Variants in NFATC3 observed in about 807,000 individuals in gnomAD.
NFATC3 encodes the protein nuclear factor of activated T cells 3, also known as nuclear factor of activated T-cells, cytoplasmic 3.
NFATC3 carries 46 observed loss-of-function variants against 98.6 expected under a neutral mutation model. The ratio of observed to expected loss-of-function variants is 0.47; its 90% CI spans 0.37 to 0.60. NFATC3 has a LOEUF of 0.60. Ranked by LOEUF, NFATC3 falls within the 20% of genes least tolerant of loss-of-function variation. The probability of loss-of-function intolerance (pLI) is 0.00; values close to 1 mark genes in which losing one functional copy is unlikely to be tolerated. For synonymous variants in NFATC3, 512 were observed against 472.2 expected (o/e 1.08, Z -1.09); for missense variants, 1,256 against 1,295.5 (o/e 0.97, Z 0.47).
At chr16:68,164,803 C>T (rs556123557) in intron 4 of NFATC3, among the ~76,000 whole-genome samples, 117 of 152,114 alleles carry the variant, frequency 7.7e-4, no homozygotes, top group Non-Finnish European at 1.5e-3. Context: ...TCCCTTGAAC[C>T]CGGGAGGCAG....
intron 1 of NFATC3, among the ~76,000 whole-genome samples, chr16:68,095,511 G>A (rs2034975025): frequency 6.6e-6 from 1 of 151,812 alleles, no homozygotes; most frequent in South Asian, 2.1e-4. Flanking sequence ...GTGTCACCGT[G>A]CCTGGCTAAT....
chr16:68,175,068 A>C (rs1253024945), intron 6 of NFATC3, among the ~76,000 whole-genome samples: 1 of 152,246 alleles, frequency 6.6e-6, no homozygotes, highest in Non-Finnish European at 1.5e-5. Context: ...TGATATATCC[A>C]TACAATGGAA....
intron 5 of NFATC3, among the ~76,000 whole-genome samples, chr16:68,170,248 GGGC>G (rs1295018122): frequency 6.6e-6 from 1 of 151,456 alleles, no homozygotes; most frequent in Non-Finnish European, 1.5e-5. Flanking sequence ...AAAATTAGAT[GGGC>G]GTGGTGGCGT....
intron 9 of NFATC3, among the ~76,000 whole-genome samples, chr16:68,205,411 G>A (rs575212136): frequency 1.3e-5 from 2 of 152,034 alleles, no homozygotes; most frequent in African/African-American, 2.4e-5. Flanking sequence ...CACCACATCC[G>A]GCTAATTTTT....
chr16:68,088,088 A>G (rs2034487618), intron 1 of NFATC3, among the ~76,000 whole-genome samples: 1 of 152,088 alleles, frequency 6.6e-6, no homozygotes, highest in Admixed American at 6.5e-5. Flanking sequence ...TGAAGGAACA[A>G]AGTGGATTCA....
intron 1 of NFATC3, among the ~76,000 whole-genome samples, chr16:68,092,491 G>A (rs1335167581): frequency 7.0e-6 from 1 of 143,634 alleles, no homozygotes; most frequent in Non-Finnish European, 1.5e-5. Flanking sequence ...GCTGGGCACG[G>A]TGGCTTACGC....
intron 9 of NFATC3, among the ~76,000 whole-genome samples, chr16:68,208,384 T>A (rs1011886635): frequency 2.6e-5 from 4 of 152,130 alleles, no homozygotes; most frequent in African/African-American, 9.7e-5. Flanking sequence ...TTCCTAAGTA[T>A]TTTATTCTTT....
rs995542594 is a variant in NFATC3 at position 68,085,558 on chromosome 16, C to G, written c.-124C>G. 8 of 784,926 alleles carry G rather than the reference C, an allele frequency of 1.0e-5. No homozygotes were observed. The highest frequency in any genetic ancestry group is 3.7e-5 in the African/African-American group (2 of 53,436). The allele number at this position is 784,926 out of a possible 1,614,324, so 48.6% of individuals were successfully genotyped here. The stretch of plus-strand genomic sequence containing the variant: ...CGCGGGCCCCGCCCGGAAAGTTTGC[C>G]GTGGAGTCGCGACCTCTTGGCCCGC... On this transcript the variant is annotated 5_prime_UTR_variant, in exon 1 of 10. Coordinates refer to ENST00000346183, the MANE Select transcript of NFATC3 (RefSeq NM_173165.3).
chr16:68,218,086 G>T (rs2041705388), intron 9 of NFATC3: 10 of 967,114 alleles, frequency 1.0e-5, no homozygotes, highest in Non-Finnish European at 1.1e-5. Context: ...TGGAGACAGG[G>T]TCTCACACTG....
intron 4 of NFATC3, among the ~76,000 whole-genome samples, chr16:68,162,629 G>A (rs906144313): frequency 6.7e-6 from 1 of 149,982 alleles, no homozygotes; most frequent in African/African-American, 2.5e-5. Flanking sequence ...GGCTTTATTG[G>A]TGATTCTGGA....
At chr16:68,150,863 T>C (rs1365686513) in intron 3 of NFATC3, among the ~76,000 whole-genome samples, 1 of 152,090 alleles carries the variant, frequency 6.6e-6, no homozygotes, top group Non-Finnish European at 1.5e-5. Flanking sequence ...TGTTTGGTAG[T>C]TTTTCCTGTA....
chr16:68,146,073 A>G (rs1381444320), intron 3 of NFATC3, among the ~76,000 whole-genome samples: 1 of 152,106 alleles, frequency 6.6e-6, no homozygotes, highest in East Asian at 1.9e-4. Context: ...ATATTTCCAG[A>G]ATACATACTG....
chr16:68,195,264 A>C (rs972997115), intron 9 of NFATC3, among the ~76,000 whole-genome samples: 3 of 152,130 alleles, frequency 2.0e-5, no homozygotes, highest in African/African-American at 7.2e-5. Flanking sequence ...TCAAAAAAGA[A>C]GCAAGAAAGA....
chr16:68,168,048 G>T lies in NFATC3; in HGVS notation c.1774+1033G>T, dbSNP rs548179732. Among the ~76,000 whole-genome samples the T allele has an allele frequency of 1.8e-4, 27 of 151,910 alleles. No individual in the cohort carries two copies. In the East Asian group the frequency reaches 5.0e-3, roughly 28 times the overall value. On this transcript the variant is annotated intron_variant, in intron 5 of 9. Transcript: ENST00000346183. ...AGGGTTTCATCATGTTGGCCAGGCTGCCCTCGAAATCCTGACCTCAGGTGA... is the reference window on the plus strand; with the variant it reads ...AGGGTTTCATCATGTTGGCCAGGCTTCCCTCGAAATCCTGACCTCAGGTGA...
chr16:68,224,489 C>T (rs1403187796), intron 9 of NFATC3, among the ~76,000 whole-genome samples: 3 of 151,228 alleles, frequency 2.0e-5, no homozygotes, highest in Non-Finnish European at 2.9e-5. Flanking sequence ...CTTGGCCAGG[C>T]TGGTCTTGAA....
At chr16:68,157,376 A>G (rs748910515) in intron 3 of NFATC3, among the ~76,000 whole-genome samples, 4 of 152,164 alleles carry the variant, frequency 2.6e-5, no homozygotes, top group African/African-American at 9.7e-5. Flanking sequence ...AGCCTTAGCT[A>G]GGCTGCTTGG....
At chr16:68,102,394 A>C (rs906407443) in intron 1 of NFATC3, among the ~76,000 whole-genome samples, 4 of 151,006 alleles carry the variant, frequency 2.6e-5, no homozygotes, top group African/African-American at 7.3e-5. Context: ...AAAAAAAAAA[A>C]AAAAAAAGTC....
intron 9 of NFATC3, chr16:68,221,311 G>C (rs376032951): frequency 6.2e-7 from 1 of 1,611,650 alleles, no homozygotes; most frequent in African/African-American, 1.3e-5. Flanking sequence ...AGAGCCCCCA[G>C]CCCGAGGGAG....
chr16:68,154,118 G>T lies in NFATC3; in HGVS notation c.1402-3751G>T, dbSNP rs573945252. On this transcript the variant is annotated intron_variant, in intron 3 of 9. Coordinates refer to ENST00000346183, the MANE Select transcript of NFATC3 (RefSeq NM_173165.3). ...GTGTGTGTGTAATGTGGAGATGGGG[G>T]TCTCATTGTGTTGCTGGTCTTGAAC... 1.2e-4 allele frequency among the ~76,000 whole-genome samples: 18 copies of T among 151,788 alleles called. No individual in the cohort carries two copies. In the South Asian group the frequency reaches 3.7e-3, roughly 32 times the overall value.
Sources: gnomAD v4.1 joint callset for allele counts (sites outside exome capture counted in the v4.1 genomes callset) on GRCh38, gnomAD v4.1.1 for gene constraint, MANE v1.5 for transcripts, NCBI Gene and HGNC (gene_info 2026-07-23, HGNC 2026-07-21) for gene names.